Variants in CSNK1G2 observed in about 807,000 individuals in gnomAD.
CSNK1G2 encodes the protein casein kinase 1 gamma 2.
A neutral mutation model predicts 48.0 loss-of-function variants in CSNK1G2; 11 were observed. The observed-to-expected ratio is 0.23, with a 90% CI of 0.14 to 0.38. The LOEUF (loss-of-function observed/expected upper bound fraction) is 0.38, where lower values mean the gene tolerates loss of function less well. Among genes scored for constraint, CSNK1G2 ranks in the 10% least tolerant of loss-of-function variants. The probability of loss-of-function intolerance (pLI) is 1.00; values close to 1 mark genes in which losing one functional copy is unlikely to be tolerated. For missense variants in CSNK1G2, 446 were observed against 595.5 expected (o/e 0.75, Z 2.61); for synonymous variants, 337 against 254.1 (o/e 1.33, Z -3.10).
intron 1 of CSNK1G2, among the ~76,000 whole-genome samples, chr19:1,944,817 G>A (rs1171200247): frequency 6.6e-6 from 1 of 152,204 alleles, no homozygotes; most frequent in Non-Finnish European, 1.5e-5. Flanking sequence ...TTGAGTGAGG[G>A]GTGGGGCCTG....
chr19:1,947,952 G>A (rs1468755139), intron 1 of CSNK1G2, among the ~76,000 whole-genome samples: 1 of 33,892 alleles, frequency 3.0e-5, no homozygotes, highest in Non-Finnish European at 4.9e-5. Flanking sequence ...GGGCCCCCAT[G>A]AGTCAGCTCG....
intron 2 of CSNK1G2, among the ~76,000 whole-genome samples, chr19:1,972,172 G>T (rs1423347712): frequency 2.0e-5 from 3 of 152,242 alleles, no homozygotes; most frequent in Non-Finnish European, 2.9e-5. Flanking sequence ...TTTCTCAGGG[G>T]TGCCGGGAGG....
intron 1 of CSNK1G2, chr19:1,954,187 C>A (rs554112549): frequency 2.6e-6 from 1 of 387,744 alleles, no homozygotes; most frequent in African/African-American, 2.1e-5. Flanking sequence ...CGCGGCAGCT[C>A]CTGCGCCCCT....
intron 1 of CSNK1G2, among the ~76,000 whole-genome samples, chr19:1,944,409 C>A (rs2014478734): frequency 1.3e-5 from 2 of 152,098 alleles, no homozygotes; most frequent in Admixed American, 1.3e-4. Context: ...GGTGGAGCGC[C>A]CATTTTACAG....
chr19:1,951,978 C>T lies in CSNK1G2; in HGVS notation c.-266+10560C>T, dbSNP rs563198086. On this transcript the variant is annotated intron_variant, in intron 1 of 11. Coordinates refer to ENST00000255641, the MANE Select transcript of CSNK1G2 (RefSeq NM_001319.7). ...TACAGGCGAGAGCCACCGGGCCCGG[C>T]CATTCTCTGCTGTTTTCTGACTCAA... 1.6e-4 allele frequency among the ~76,000 whole-genome samples: 25 copies of T among 152,274 alleles called. No individual in the cohort carries two copies. In the East Asian group the frequency reaches 4.6e-3, roughly 28 times the overall value.
At chr19:1,964,738 T>G (rs539529270) in intron 1 of CSNK1G2, among the ~76,000 whole-genome samples, 7 of 151,908 alleles carry the variant, frequency 4.6e-5, no homozygotes, top group African/African-American at 1.7e-4. Context: ...TTTTTGTTTT[T>G]TTTTTTGAGA....
In CSNK1G2 at chr19:1,970,015, G is replaced by A. The variant is rs1053895235; in HGVS notation, c.187+56G>A. The stretch of plus-strand genomic sequence containing the variant: ...GGGAGGCTGCTGGCAGGGCCGCCCC[G>A]AGTCACCGGAGCCTCTGGTGGGGCC... On this transcript the variant is annotated intron_variant, in intron 2 of 11. Coordinates refer to ENST00000255641, the MANE Select transcript of CSNK1G2 (RefSeq NM_001319.7). 4.5e-5 allele frequency: 57 copies of A among 1,269,564 alleles called. No homozygotes were observed. In the African/African-American group the frequency reaches 4.8e-4, roughly 11 times the overall value. The allele number at this position is 1,269,564 out of a possible 1,614,324, so 78.6% of individuals were successfully genotyped here.
At chr19:1,954,967 GC>G (rs2014931246) in intron 1 of CSNK1G2, among the ~76,000 whole-genome samples, 1 of 152,108 alleles carries the variant, frequency 6.6e-6, no homozygotes, top group Non-Finnish European at 1.5e-5. Flanking sequence ...AACAGGGCAG[GC>G]CCCCAACCCC....
In CSNK1G2 at chr19:1,978,174, C is replaced by T; in HGVS notation, c.188-131C>T. The T allele has an allele frequency of 1.1e-6, 1 of 913,928 alleles. No homozygotes were observed. Among genetic ancestry groups the T allele is most frequent in the South Asian group, 1.4e-5 (1 of 69,920 alleles). The allele number at this position is 913,928 out of a possible 1,614,324, so 56.6% of individuals were successfully genotyped here. On this transcript the variant is annotated intron_variant, in intron 2 of 11. Coordinates refer to ENST00000255641, the MANE Select transcript of CSNK1G2 (RefSeq NM_001319.7). The surrounding 1 kb of genome is among the most constrained non-coding windows in gnomAD (Gnocchi z 7.3). ...GGCAGGCTGGGCCCAGGCCCTGCTGCTGGGCAGTGGTGTCATTTGGAGGGT... is the reference window on the plus strand; with the variant it reads ...GGCAGGCTGGGCCCAGGCCCTGCTGTTGGGCAGTGGTGTCATTTGGAGGGT...
rs1226139874 is a variant in CSNK1G2 at position 1,980,153 on chromosome 19, T to C, written c.1198T>C (p.Cys400Arg). ...EVEVADETKC[C>R]CFFKRRKRKS... ...CTGAGCCACTGCCCTCCTCAGATGCTGCTGTTTCTTCAAGAGGAGAAAGAG... is the reference window on the plus strand; with the variant it reads ...CTGAGCCACTGCCCTCCTCAGATGCCGCTGTTTCTTCAAGAGGAGAAAGAG... The change falls in exon 12 of 12, where the codon TGC (cysteine) becomes CGC (arginine). Residue 400 changes from cysteine (C) to arginine (R), a missense_variant. Coordinates refer to ENST00000255641, the MANE Select transcript of CSNK1G2 (RefSeq NM_001319.7). The C allele has an allele frequency of 1.9e-6, 3 of 1,612,950 alleles. No individual in the cohort carries two copies. Among genetic ancestry groups the C allele is most frequent in the Non-Finnish European group, 2.5e-6 (3 of 1,179,854 alleles).
At chr19:1,950,273 G>A (rs999064889) in intron 1 of CSNK1G2, among the ~76,000 whole-genome samples, 2 of 151,748 alleles carry the variant, frequency 1.3e-5, no homozygotes, top group East Asian at 3.9e-4. Context: ...CCGAGTAGCT[G>A]GGACTACAGG....
rs1183332128 is a variant in CSNK1G2, at chr19:1,979,218, G to A, written c.738G>A (p.Leu246=). 6.5e-7 allele frequency: 1 copy of A among 1,549,724 alleles called. No homozygotes were observed. Among genetic ancestry groups the A allele is most frequent in the Admixed American group, 2.0e-5 (1 of 50,804 alleles). ...TGGGCCACATGTTCATGTACTTCCTGCGCGGCAGCCTCCCCTGGCAGGGGC... is the reference window on the plus strand; with the variant it reads ...TGGGCCACATGTTCATGTACTTCCTACGCGGCAGCCTCCCCTGGCAGGGGC... ...EALGHMFMYF[L]RGSLPWQGLK... is the part of the protein sequence containing the mutation. Residue 246 remains leucine (L), a synonymous_variant, in exon 7 of 12, where the codon CTG becomes CTA. Coordinates refer to ENST00000255641, the MANE Select transcript of CSNK1G2 (RefSeq NM_001319.7).
intron 2 of CSNK1G2, chr19:1,976,144 T>C (rs1197808311): frequency 4.8e-6 from 6 of 1,258,244 alleles, no homozygotes; most frequent in Non-Finnish European, 6.2e-6. Flanking sequence ...GCAATGAGTG[T>C]TGGGTGTTTG....
intron 1 of CSNK1G2, among the ~76,000 whole-genome samples, chr19:1,951,182 A>G (rs760270449): frequency 2.1e-5 from 3 of 145,536 alleles, no homozygotes; most frequent in Non-Finnish European, 3.0e-5. Flanking sequence ...CGGGCAGATC[A>G]CGAGGTCAGG....
intron 2 of CSNK1G2, among the ~76,000 whole-genome samples, chr19:1,976,474 C>T (rs1051017275): frequency 6.6e-6 from 1 of 152,220 alleles, no homozygotes; most frequent in African/African-American, 2.4e-5. Flanking sequence ...GGTAGTGATG[C>T]GGACAGGGCA....
chr19:1,966,982 C>T (rs1334111092), intron 1 of CSNK1G2, among the ~76,000 whole-genome samples: 5 of 152,090 alleles, frequency 3.3e-5, no homozygotes, highest in Non-Finnish European at 2.9e-5. Context: ...ACGATCCTCC[C>T]GCCTCAGTCT....
chr19:1,950,790 A>C lies in CSNK1G2; in HGVS notation c.-266+9372A>C, dbSNP rs2014735810. ...GTCAGGTGGGGACCTGGCCGCTGGA[A>C]GGGAGGTGTCACCTGCTCTGGGGCA... On this transcript the variant is annotated intron_variant, in intron 1 of 11. Coordinates refer to ENST00000255641, the MANE Select transcript of CSNK1G2 (RefSeq NM_001319.7). 1.4e-5 allele frequency among the ~76,000 whole-genome samples: 2 copies of C among 146,328 alleles called. 1 individual carries two copies. Among genetic ancestry groups the C allele is most frequent in the Non-Finnish European group, 3.0e-5 (2 of 67,124 alleles).
chr19:1,956,678 G>C (rs1236455558), intron 1 of CSNK1G2, among the ~76,000 whole-genome samples: 3 of 152,202 alleles, frequency 2.0e-5, no homozygotes, highest in Non-Finnish European at 4.4e-5. Flanking sequence ...AGTCCCATCT[G>C]GGTAGACTGA....
chr19:1,975,865 A>G (rs2015735450), intron 2 of CSNK1G2: 1 of 789,988 alleles, frequency 1.3e-6, no homozygotes, highest in Admixed American at 6.3e-5. Context: ...GAGAAAGCCC[A>G]TCTCTAGTAA....
Sources: allele counts gnomAD v4.1 joint callset (sites outside exome capture counted in the v4.1 genomes callset), GRCh38; gene constraint gnomAD v4.1.1; non-coding constraint Gnocchi (gnomAD v3.1); transcripts MANE v1.5; gene names NCBI Gene and HGNC (gene_info 2026-07-23, HGNC 2026-07-21).